COL8A1: variants seen among roughly 807,000 people sequenced by gnomAD.
COL8A1 encodes collagen type VIII alpha 1 chain.
Under a neutral mutation model 42.7 loss-of-function variants are expected in COL8A1, and 21 were observed. The observed-to-expected ratio is 0.49, with a 90% CI of 0.35 to 0.71. The LOEUF (loss-of-function observed/expected upper bound fraction) is 0.71. COL8A1 is among the 30% of genes least tolerant of loss of function. COL8A1 has a pLI of 0.01. For missense variants in COL8A1, 788 were observed against 962.4 expected (o/e 0.82, Z 2.40); for synonymous variants, 367 against 369.1 (o/e 0.99, Z 0.06).
intron 1 of COL8A1, among the ~76,000 whole-genome samples, chr3:99,656,225 T>A (rs647882): frequency 2.6e-5 from 4 of 151,960 alleles, no homozygotes; most frequent in African/African-American, 4.8e-5. Context: ...GAAAGTTGAG[T>A]TTATTCTAAT....
At chr3:99,641,624 G>T (rs1576408827) in intron 1 of COL8A1, among the ~76,000 whole-genome samples, 1 of 152,144 alleles carries the variant, frequency 6.6e-6, no homozygotes. Flanking sequence ...TAAGTTAAAA[G>T]TTAGAAACAG....
intron 2 of COL8A1, among the ~76,000 whole-genome samples, chr3:99,785,530 G>T (rs761343005): frequency 1.3e-5 from 2 of 152,172 alleles, no homozygotes; most frequent in African/African-American, 4.8e-5. Context: ...GAATAGAACT[G>T]GTCTGGAGGA....
chr3:99,709,243 ACC>A (rs1939766195), intron 1 of COL8A1, among the ~76,000 whole-genome samples: 1 of 152,062 alleles, frequency 6.6e-6, no homozygotes, highest in South Asian at 2.1e-4. Context: ...TATCAGAATT[ACC>A]CAGGGCCTAG....
intron 2 of COL8A1, among the ~76,000 whole-genome samples, chr3:99,781,626 C>T (rs1941795372): frequency 6.6e-6 from 1 of 152,128 alleles, no homozygotes; most frequent in South Asian, 2.1e-4. Context: ...CACATCTCTC[C>T]CTTGCAAAAG....
chr3:99,715,245 G>T (rs1939963207), intron 1 of COL8A1, among the ~76,000 whole-genome samples: 1 of 152,110 alleles, frequency 6.6e-6, no homozygotes, highest in Non-Finnish European at 1.5e-5. Flanking sequence ...CAGGATACAA[G>T]AGTGGTCACA....
At chr3:99,704,849 A>C (rs1939635794) in intron 1 of COL8A1, among the ~76,000 whole-genome samples, 1 of 152,110 alleles carries the variant, frequency 6.6e-6, no homozygotes, top group Admixed American at 6.6e-5. Context: ...ATAAAGCTGG[A>C]GTTTTAATTG....
At chr3:99,768,487 G>GC (rs1348923178) in intron 2 of COL8A1, among the ~76,000 whole-genome samples, 1 of 152,254 alleles carries the variant, frequency 6.6e-6, no homozygotes, top group East Asian at 1.9e-4. Flanking sequence ...CAGGTGAAGA[G>GC]CATGGGGTAA....
chr3:99,694,457 C>G (rs566495702), intron 1 of COL8A1, among the ~76,000 whole-genome samples: 2 of 151,610 alleles, frequency 1.3e-5, no homozygotes, highest in African/African-American at 4.8e-5. Context: ...GTCTGGGCAA[C>G]AAAGTGAGAC....
At chr3:99,654,177 C>T (rs56047092) in intron 1 of COL8A1, among the ~76,000 whole-genome samples, 9,362 of 152,204 alleles carry the variant, frequency 0.062, 359 homozygotes, top group East Asian at 0.22. Flanking sequence ...AGCAAGTCTG[C>T]TCTTTCCACC....
chr3:99,756,227 C>A (rs1941251787), intron 2 of COL8A1, among the ~76,000 whole-genome samples: 2 of 151,502 alleles, frequency 1.3e-5, no homozygotes, highest in African/African-American at 4.9e-5. Flanking sequence ...ATCTTATAAT[C>A]CTCCAATTGT....
At chr3:99,695,984 C>T in intron 1 of COL8A1, among the ~76,000 whole-genome samples, 1 of 152,074 alleles carries the variant, frequency 6.6e-6, no homozygotes, top group East Asian at 1.9e-4. Flanking sequence ...AAATACAAAA[C>T]TTAGCCAGGC....
chr3:99,661,546 G>A (rs575382153), intron 1 of COL8A1, among the ~76,000 whole-genome samples: 20 of 152,248 alleles, frequency 1.3e-4, no homozygotes, highest in African/African-American at 3.6e-4. Flanking sequence ...CAGCTGCTAC[G>A]AAAGACATTA....
intron 1 of COL8A1, among the ~76,000 whole-genome samples, chr3:99,730,446 T>A (rs1357485047): frequency 6.6e-6 from 1 of 152,142 alleles, no homozygotes; most frequent in Non-Finnish European, 1.5e-5. Flanking sequence ...TTTTGAGTCT[T>A]GTTATCATAC....
intron 1 of COL8A1, among the ~76,000 whole-genome samples, chr3:99,734,757 C>T (rs1359202696): frequency 2.5e-4 from 38 of 151,954 alleles, no homozygotes; most frequent in African/African-American, 6.5e-4. Flanking sequence ...GCCATTTTCA[C>T]GATATTGATT....
At chr3:99,753,390 T>C (rs924554938) in intron 2 of COL8A1, among the ~76,000 whole-genome samples, 5 of 152,326 alleles carry the variant, frequency 3.3e-5, no homozygotes, top group East Asian at 1.9e-4. Flanking sequence ...ACTAGGTGCC[T>C]ATGGGTGAGC....
chr3:99,717,528 T>A (rs1430825824), intron 1 of COL8A1, among the ~76,000 whole-genome samples: 1 of 151,936 alleles, frequency 6.6e-6, no homozygotes, highest in Non-Finnish European at 1.5e-5. Flanking sequence ...GCAAAATAAA[T>A]CATTAAATCA....
chr3:99,796,154 A>T lies in COL8A1; in HGVS notation c.*18A>T, dbSNP rs770949558. The T allele has an allele frequency of 5.5e-6, 8 of 1,454,258 alleles. No homozygotes were observed. Among genetic ancestry groups the T allele is most frequent in the Admixed American group, 2.4e-5 (1 of 42,234 alleles). The allele number at this position is 1,454,258 out of a possible 1,614,324, so 90.1% of individuals were successfully genotyped here. A position where few individuals can be genotyped will look rare whatever the true frequency, so the allele number is the denominator to read the frequency against. On this transcript the variant is annotated 3_prime_UTR_variant, in exon 4 of 4. Transcript: ENST00000652472. ...CCATGTAAAAACAAAAAAACAAAAA[A>T]CAAAGAAAAGAAAGAGATTTTATAG...
chr3:99,785,891 A>C (rs1361280344), intron 2 of COL8A1, among the ~76,000 whole-genome samples: 1 of 152,196 alleles, frequency 6.6e-6, no homozygotes, highest in Admixed American at 6.5e-5. Context: ...CTTTGTTATG[A>C]CAACCAGAGA....
intron 2 of COL8A1, among the ~76,000 whole-genome samples, chr3:99,770,216 G>C (rs1389537238): frequency 1.3e-5 from 2 of 152,164 alleles, no homozygotes; most frequent in African/African-American, 4.8e-5. Flanking sequence ...TTTGGAATGA[G>C]GGTTGTATGA....
Sources: gnomAD v4.1 joint callset for allele counts (sites outside exome capture counted in the v4.1 genomes callset) on GRCh38, gnomAD v4.1.1 for gene constraint, MANE v1.5 for transcripts, NCBI Gene and HGNC (gene_info 2026-07-23, HGNC 2026-07-21) for gene names.